Variants in MTREX observed in about 807,000 individuals in gnomAD.
MTREX encodes the protein exosome RNA helicase MTR4.
In MTREX, 76 loss-of-function variants were observed where a neutral mutation model predicts 135.4. The ratio of observed to expected loss-of-function variants is 0.56; its 90% CI spans 0.47 to 0.68. The LOEUF (loss-of-function observed/expected upper bound fraction) is 0.68. Among genes scored for constraint, MTREX ranks in the 30% least tolerant of loss-of-function variants. The probability of loss-of-function intolerance (pLI) is 0.00; values close to 1 mark genes in which losing one functional copy is unlikely to be tolerated. For synonymous variants in MTREX, 404 were observed against 401.6 expected (o/e 1.01, Z -0.07); for missense variants, 920 against 1,262.1 (o/e 0.73, Z 4.11).
chr5:55,410,058 A>G (rs981147535), intron 22 of MTREX, among the ~76,000 whole-genome samples: 3 of 152,138 alleles, frequency 2.0e-5, no homozygotes, highest in African/African-American at 7.2e-5. Flanking sequence ...CTACTATAAT[A>G]TAAAAACTTT....
At chr5:55,410,411 T>A in intron 22 of MTREX, 113 bp from the exon 23 acceptor site, 1 of 475,228 alleles carries the variant, frequency 2.1e-6, no homozygotes, top group Non-Finnish European at 3.8e-6. Context: ...CCTCATTGAT[T>A]ACTCCTTAAG....
Position 55,322,467 on chromosome 5 carries a change from A to G in MTREX, c.272+3A>G, listed in dbSNP as rs756736792. 32 of 1,569,054 alleles carry G rather than the reference A, an allele frequency of 2.0e-5. 1 individual carries two copies. In the South Asian group the frequency reaches 3.9e-4, roughly 19 times the overall value. On this transcript the variant is annotated splice_donor_region_variant and intron_variant, in intron 2 of 26. Transcript: ENST00000230640. ...GAGTCAATAACTGAAGACTTAAGGT[A>G]ATATTTCCAAAGTCCTAAATGTTAG...
At chr5:55,392,961 A>AAT (rs1561206743) in intron 19 of MTREX, among the ~76,000 whole-genome samples, 1 of 152,196 alleles carries the variant, frequency 6.6e-6, no homozygotes, top group Admixed American at 6.5e-5. Flanking sequence ...AGTCAGGTCA[A>AAT]ATAAAAAACA....
intron 25 of MTREX, among the ~76,000 whole-genome samples, 189 bp downstream of exon 25, chr5:55,416,321 A>T (rs1440013578): frequency 6.6e-6 from 1 of 152,058 alleles, no homozygotes; most frequent in Non-Finnish European, 1.5e-5. Context: ...TAGTCTGTTC[A>T]TTAGAAAGTC....
At chr5:55,317,422 C>T (rs1749216633) in intron 1 of MTREX, among the ~76,000 whole-genome samples, 1 of 152,134 alleles carries the variant, frequency 6.6e-6, no homozygotes, top group Non-Finnish European at 1.5e-5. Flanking sequence ...GATACTGGTA[C>T]AAAAACAGGC....
chr5:55,349,512 G>A, intron 11 of MTREX, 61 bp from the exon 12 acceptor site: 1 of 879,964 alleles, frequency 1.1e-6, no homozygotes, highest in Non-Finnish European at 1.9e-6. Flanking sequence ...TCTTTGTAAT[G>A]TGTGAAGTTT....
chr5:55,347,527 T>G (rs983172603), intron 11 of MTREX, among the ~76,000 whole-genome samples: 4 of 152,234 alleles, frequency 2.6e-5, no homozygotes, highest in African/African-American at 9.6e-5. Context: ...TCATTCTCAC[T>G]GAAGTCTAAA....
At chr5:55,321,862 C>T (rs1749295457) in intron 1 of MTREX, among the ~76,000 whole-genome samples, 1 of 152,108 alleles carries the variant, frequency 6.6e-6, no homozygotes, top group Admixed American at 6.6e-5. Flanking sequence ...TCCACCTCGG[C>T]CTCCCAAAGT....
chr5:55,347,701 G>A (rs972894010), intron 11 of MTREX, among the ~76,000 whole-genome samples: 2 of 152,182 alleles, frequency 1.3e-5, no homozygotes, highest in African/African-American at 4.8e-5. Context: ...AGTCCATTTT[G>A]TGTTGCTGTG....
chr5:55,347,255 C>G (rs922284388), intron 11 of MTREX, 111 bp downstream of exon 11: 2 of 1,030,902 alleles, frequency 1.9e-6, no homozygotes, highest in Admixed American at 2.7e-5. Context: ...ATTCACCTTA[C>G]AGTTACAGCA....
At chr5:55,372,211 T>G (rs2112091849) in intron 16 of MTREX, among the ~76,000 whole-genome samples, 1 of 152,294 alleles carries the variant, frequency 6.6e-6, no homozygotes, top group Non-Finnish European at 1.5e-5. Context: ...TTAATTTTTT[T>G]TCCTGATAAT....
chr5:55,350,173 C>G (rs1749803830), intron 12 of MTREX, among the ~76,000 whole-genome samples: 1 of 145,750 alleles, frequency 6.9e-6, no homozygotes. Flanking sequence ...AAAGGCCCCC[C>G]AGGTGATTCT....
chr5:55,414,250 T>TG lies in MTREX; in HGVS notation c.2808+12_2808+13insG, dbSNP rs1750931575. ...TTCGTCAAATGCAGGTAAGGTTTTTTTTTTTTTTTTTTGAACTACATATTT... is the reference window on the plus strand; with the variant it reads ...TTCGTCAAATGCAGGTAAGGTTTTTTGTTTTTTTTTTTTGAACTACATATTT... On this transcript the variant is annotated intron_variant, in intron 24 of 26. Coordinates refer to ENST00000230640, the MANE Select transcript of MTREX (RefSeq NM_015360.5). The TG allele has an allele frequency of 9.0e-6, 14 of 1,558,400 alleles. No homozygotes were observed. Among genetic ancestry groups the TG allele is most frequent in the Non-Finnish European group, 1.2e-5 (14 of 1,161,484 alleles).
At chr5:55,408,548 A>G (rs1393532951) in intron 22 of MTREX, among the ~76,000 whole-genome samples, 4 of 152,206 alleles carry the variant, frequency 2.6e-5, no homozygotes, top group African/African-American at 9.6e-5. Context: ...TAAAGATTAT[A>G]ATAGTTCATG....
intron 18 of MTREX, 29 bp downstream of exon 18, chr5:55,379,224 T>A: frequency 2.3e-6 from 3 of 1,301,188 alleles, no homozygotes; most frequent in Non-Finnish European, 3.3e-6. Context: ...ATTAGAATTG[T>A]ATATCAATTT....
In MTREX at chr5:55,378,357, C is replaced by T. The variant is rs988174222; in HGVS notation, c.1854C>T (p.Pro618=). Residue 618 remains proline, a synonymous_variant, in exon 17 of 27, where the codon CCC becomes CCT. Coordinates refer to ENST00000230640, the MANE Select transcript of MTREX (RefSeq NM_015360.5). ...AACAGTATAATAAAATAGTAATTCCCAATGAAGAAAGTGTGGTTATCTATT... is the reference window on the plus strand; with the variant it reads ...AACAGTATAATAAAATAGTAATTCCTAATGAAGAAAGTGTGGTTATCTATT... ...SEEQYNKIVI[P]NEESVVIYYK... 5 of 1,607,078 alleles carry T rather than the reference C, an allele frequency of 3.1e-6. No homozygotes were observed. In the East Asian group the frequency reaches 1.1e-4, roughly 36 times the overall value.
At position 55,314,227 on chromosome 5, in the gene MTREX, CAGG is replaced by C. The variant is rs1749163105; in HGVS notation, c.134+6083_134+6085del. 2.0e-5 allele frequency among the ~76,000 whole-genome samples: 3 copies of C among 152,330 alleles called. No individual in the cohort carries two copies. The South Asian group carries it at 6.2e-4, about 32-fold the overall frequency. ...CTAGATGTAGCCAAATTCCTCTCCA[CAGG>C]AGATGTACCATTTTGTGTTTTCAAC... On this transcript the variant is annotated intron_variant, in intron 1 of 26. Transcript: ENST00000230640.
At chr5:55,313,984 C>T (rs1369585715) in intron 1 of MTREX, among the ~76,000 whole-genome samples, 1 of 151,014 alleles carries the variant, frequency 6.6e-6, no homozygotes. Flanking sequence ...ATGTAGAGAG[C>T]TGTTTTTTTT....
Position 55,341,660 on chromosome 5 carries a change from A to G in MTREX, c.691-21A>G, listed in dbSNP as rs142545606. 197 of 1,403,674 alleles carry G rather than the reference A, an allele frequency of 1.4e-4. No individual in the cohort carries two copies. The African/African-American group carries it at 2.1e-3, about 15-fold the overall frequency. The allele number at this position is 1,403,674 out of a possible 1,614,324, so 87.0% of individuals were successfully genotyped here. On this transcript the variant is annotated intron_variant, in intron 6 of 26. Transcript: ENST00000230640. ...GTTATGTCAGAATCCAACTAAATAC[A>G]TTTTTTACTTTTTTCTTTAGATTTT...
Sources: allele counts gnomAD v4.1 joint callset (sites outside exome capture counted in the v4.1 genomes callset), GRCh38; gene constraint gnomAD v4.1.1; transcripts MANE v1.5; gene names NCBI Gene and HGNC (gene_info 2026-07-23, HGNC 2026-07-21).